Variants in GPR158 observed in about 807,000 individuals in gnomAD.
GPR158 encodes the protein metabotropic glycine receptor.
Under a neutral mutation model 78.2 loss-of-function variants are expected in GPR158, and 30 were observed. That is an observed-to-expected ratio of 0.38 (90% CI 0.29 to 0.52). The LOEUF is 0.52. GPR158 is among the 20% of genes least tolerant of loss of function. The pLI, the probability that GPR158 is intolerant of heterozygous loss-of-function variation, is 0.83. For missense variants in GPR158, 1,463 were observed against 1,523.5 expected (o/e 0.96, Z 0.66); for synonymous variants, 581 against 591.1 (o/e 0.98, Z 0.25).
At chr10:25,286,395 T>C (rs1213390167) in intron 2 of GPR158, among the ~76,000 whole-genome samples, 1 of 152,206 alleles carries the variant, frequency 6.6e-6, no homozygotes, top group Non-Finnish European at 1.5e-5. Context: ...TCTTCATCTT[T>C]GTTACTGTGC....
chr10:25,190,534 T>C (rs1035947244), intron 1 of GPR158, among the ~76,000 whole-genome samples: 4 of 152,124 alleles, frequency 2.6e-5, no homozygotes, highest in African/African-American at 7.2e-5. Flanking sequence ...GATTTTATCA[T>C]GTTCCCTAGG....
At chr10:25,550,101 G>A (rs1014730342) in intron 5 of GPR158, among the ~76,000 whole-genome samples, 3 of 152,158 alleles carry the variant, frequency 2.0e-5, no homozygotes, top group Admixed American at 6.6e-5. Flanking sequence ...GAAGAGTAGT[G>A]GAGTGTCTTG....
At chr10:25,297,501 A>G (rs1291454625) in intron 2 of GPR158, among the ~76,000 whole-genome samples, 1 of 146,596 alleles carries the variant, frequency 6.8e-6, no homozygotes, top group Non-Finnish European at 1.5e-5. Flanking sequence ...GGATCTAACC[A>G]GAAGCATAAA....
At chr10:25,489,364 A>C (rs1564469594) in intron 5 of GPR158, among the ~76,000 whole-genome samples, 1 of 152,126 alleles carries the variant, frequency 6.6e-6, no homozygotes, top group African/African-American at 2.4e-5. Context: ...TTTCCATCCC[A>C]TACTTCTAAG....
At chr10:25,279,249 G>T (rs773460455) in intron 2 of GPR158, among the ~76,000 whole-genome samples, 3 of 152,134 alleles carry the variant, frequency 2.0e-5, no homozygotes, top group Non-Finnish European at 4.4e-5. Flanking sequence ...TGTTCTGATT[G>T]CTGTATGTAT....
At chr10:25,382,652 T>A (rs573938696) in intron 2 of GPR158, among the ~76,000 whole-genome samples, 220 of 152,192 alleles carry the variant, frequency 1.4e-3, no homozygotes, top group African/African-American at 4.9e-3. Context: ...TACCCTATGA[T>A]TACCAGGAGG....
chr10:25,593,754 T>C lies in GPR158; in HGVS notation c.1893-538T>C, dbSNP rs540914952. 7.2e-5 allele frequency among the ~76,000 whole-genome samples: 11 copies of C among 152,218 alleles called. No homozygotes were observed. In the South Asian group the frequency reaches 2.3e-3, roughly 32 times the overall value. ...AATTTGATAATTTAGAACAATTTAT[T>C]TTAAAGAGTACATTTTATAAACCAT... On this transcript the variant is annotated intron_variant, in intron 8 of 10. Coordinates refer to ENST00000376351, the MANE Select transcript of GPR158 (RefSeq NM_020752.3).
chr10:25,274,457 G>A (rs909253986), intron 2 of GPR158, among the ~76,000 whole-genome samples: 10 of 152,116 alleles, frequency 6.6e-5, no homozygotes, highest in Admixed American at 1.3e-4. Context: ...TCCCCTATCC[G>A]TCACTTGGTA....
In GPR158 at chr10:25,458,517, T is replaced by G. The variant is rs554382605; in HGVS notation, c.1336-8134T>G. ...ACTGTTCTGGCACTGATCAGCCGAG[T>G]GAGCTTCACTTCTCTGCTGACTTCA... is the stretch of plus-strand genomic sequence containing the variant. On this transcript the variant is annotated intron_variant, in intron 4 of 10. Coordinates refer to ENST00000376351, the MANE Select transcript of GPR158 (RefSeq NM_020752.3). Among the ~76,000 whole-genome samples the G allele has an allele frequency of 4.6e-5, 7 of 152,278 alleles. No homozygotes were observed. The South Asian group carries it at 1.5e-3, about 32-fold the overall frequency.
intron 4 of GPR158, among the ~76,000 whole-genome samples, chr10:25,431,192 G>T (rs1834899259): frequency 1.4e-5 from 1 of 71,154 alleles, no homozygotes; most frequent in African/African-American, 4.3e-5. Context: ...TCAAAAATTG[G>T]GCGAAGGACA....
intron 2 of GPR158, among the ~76,000 whole-genome samples, chr10:25,328,612 ATATT>A: frequency 6.6e-6 from 1 of 152,250 alleles, no homozygotes; most frequent in South Asian, 2.1e-4. Flanking sequence ...GCTATTATAA[ATATT>A]TATTTTTGTC....
Position 25,221,060 on chromosome 10 carries a change from T to C in GPR158, c.911T>C (p.Met304Thr), listed in dbSNP as rs1238268015. 1 of 1,532,318 alleles carries C rather than the reference T, an allele frequency of 6.5e-7. No homozygotes were observed. The highest frequency in any genetic ancestry group is 2.3e-5 in the East Asian group (1 of 44,392). The allele number at this position is 1,532,318 out of a possible 1,614,324, so 94.9% of individuals were successfully genotyped here. A position where few individuals can be genotyped will look rare whatever the true frequency, so the allele number is the denominator to read the frequency against. The part of the protein sequence containing the change: ...PNLVPEFRGV[M>T]KVDINLQKVD... Reference sequence around the variant, plus strand: ...TCCTTTTCTATTTCTAGGGGTGTCATGAAAGTTGACATAAATCTTCAGAAA... The same window carrying C: ...TCCTTTTCTATTTCTAGGGGTGTCACGAAAGTTGACATAAATCTTCAGAAA... Residue 304 changes from methionine to threonine, a missense_variant, in exon 2 of 11, where the codon ATG becomes ACG. Coordinates refer to ENST00000376351, the MANE Select transcript of GPR158 (RefSeq NM_020752.3).
Position 25,175,667 on chromosome 10 carries a change from G to A in GPR158, c.247G>A (p.Ala83Thr), listed in dbSNP as rs147366412. 4.5e-3 allele frequency: 7,321 copies of A among 1,611,418 alleles called. 51 individuals are homozygous for A. The highest frequency in any genetic ancestry group is 4.1e-3 in the Non-Finnish European group (4,884 of 1,179,940). ...KLAEEVPMDV[A>T]SYLYTGDSHQ... ...CGCCGAGGAGGTGCCCATGGACGTGGCCTCTTACCTCTACACCGGGGACTC... is the reference window on the plus strand; with the variant it reads ...CGCCGAGGAGGTGCCCATGGACGTGACCTCTTACCTCTACACCGGGGACTC... Residue 83 changes from alanine to threonine, a missense_variant, in exon 1 of 11, where the codon GCC becomes ACC. By Grantham distance (58) the Ala-to-Thr change is moderately conservative. Transcript: ENST00000376351. This position sits in a 1 kb window ranked among gnomAD's most constrained non-coding sequence, Gnocchi z 6.4.
At chr10:25,207,412 G>A (rs1461634855) in intron 1 of GPR158, among the ~76,000 whole-genome samples, 8 of 152,142 alleles carry the variant, frequency 5.3e-5, no homozygotes, top group Non-Finnish European at 1.2e-4. Flanking sequence ...TGGCACAAGG[G>A]ACTAGTTTTT....
chr10:25,362,496 A>G (rs35040081), intron 2 of GPR158, among the ~76,000 whole-genome samples: 23,417 of 151,762 alleles, frequency 0.15, 2,073 homozygotes, highest in South Asian at 0.24. Flanking sequence ...AAAAATGTTG[A>G]GCTTTAGATA....
intron 5 of GPR158, among the ~76,000 whole-genome samples, chr10:25,533,803 C>T (rs1487376894): frequency 6.6e-6 from 1 of 152,064 alleles, no homozygotes; most frequent in African/African-American, 2.4e-5. Flanking sequence ...AGGTGTATTG[C>T]ATAGCAATAA....
intron 5 of GPR158, among the ~76,000 whole-genome samples, chr10:25,513,167 G>C (rs975680027): frequency 6.8e-6 from 1 of 148,000 alleles, no homozygotes; most frequent in Non-Finnish European, 1.5e-5. Context: ...TCTGGTCCTG[G>C]ATTTTTTTTT....
chr10:25,544,375 A>ATT (rs1836631618), intron 5 of GPR158, among the ~76,000 whole-genome samples: 2 of 152,142 alleles, frequency 1.3e-5, no homozygotes, highest in Non-Finnish European at 2.9e-5. Context: ...TTGTTTAAAA[A>ATT]TTATTTTGAT....
At chr10:25,422,986 C>A (rs1360559229) in intron 4 of GPR158, among the ~76,000 whole-genome samples, 1 of 151,650 alleles carries the variant, frequency 6.6e-6, no homozygotes, top group African/African-American at 2.4e-5. Flanking sequence ...ACTTCACTTA[C>A]AATAATAGTT....
Sources: allele counts gnomAD v4.1 joint callset (sites outside exome capture counted in the v4.1 genomes callset), GRCh38; gene constraint gnomAD v4.1.1; non-coding constraint Gnocchi (gnomAD v3.1); transcripts MANE v1.5; gene names NCBI Gene and HGNC (gene_info 2026-07-23, HGNC 2026-07-21).